FAM114A2: variants seen among roughly 807,000 people sequenced by gnomAD.
FAM114A2 encodes protein FAM114A2.
In FAM114A2, 53 loss-of-function variants were observed where a neutral mutation model predicts 58.4. The observed-to-expected ratio is 0.91, with a 90% CI of 0.73 to 1.14. The LOEUF is 1.14. Ranked by LOEUF, FAM114A2 falls within the 50% of genes most tolerant of loss-of-function variation. FAM114A2 has a pLI of 0.00. For synonymous variants in FAM114A2, 228 were observed against 211.4 expected, an observed-to-expected ratio of 1.08 and a Z score of -0.68; for missense variants, 601 against 581.1, an observed-to-expected ratio of 1.03 and a Z score of -0.35.
rs1315846884 is a variant in FAM114A2, at chr5:153,990,553, T to C, written c.*2423A>G. 6.6e-6 allele frequency: 1 copy of C among 151,750 alleles called. No homozygotes were observed. The highest frequency in any genetic ancestry group is 1.5e-5 in the Non-Finnish European group (1 of 67,956). 9.4% of individuals were successfully genotyped at this position (151,750 alleles called of 1,614,324 possible). On this transcript the variant is annotated 3_prime_UTR_variant, in exon 14 of 14. Coordinates refer to ENST00000351797, the MANE Select transcript of FAM114A2 (RefSeq NM_018691.4). ...AAGTAAGGAAAATATAGCTTGTCCT[T>C]AACACATTTCTAAGGTATTATGCAA... is the stretch of plus-strand genomic sequence containing the variant.
chr5:154,019,604 G>T (rs1032865841), intron 8 of FAM114A2, among the ~76,000 whole-genome samples: 1 of 152,136 alleles, frequency 6.6e-6, no homozygotes, highest in Non-Finnish European at 1.5e-5. Flanking sequence ...AATAAATCTG[G>T]AAGCATCACA....
intron 4 of FAM114A2, among the ~76,000 whole-genome samples, chr5:154,031,474 T>C (rs1296384836): frequency 6.6e-6 from 1 of 152,028 alleles, no homozygotes; most frequent in East Asian, 1.9e-4. Context: ...TATCTCAAAA[T>C]TCTGAAAATA....
At chr5:154,000,011 T>C (rs190346592) in intron 11 of FAM114A2, among the ~76,000 whole-genome samples, 2 of 152,284 alleles carry the variant, frequency 1.3e-5, no homozygotes, top group Admixed American at 1.3e-4. Context: ...AATGGAATAC[T>C]ATTCAGCTAT....
At chr5:153,995,065 T>C (rs1769470487) in intron 12 of FAM114A2, 93 bp from the exon 13 acceptor site, 2 of 765,948 alleles carry the variant, frequency 2.6e-6, no homozygotes, top group Non-Finnish European at 4.7e-6. Flanking sequence ...CACACACCCA[T>C]ACATAAATAT....
At chr5:154,024,685 C>T (rs1169455231) in intron 8 of FAM114A2, among the ~76,000 whole-genome samples, 1 of 152,058 alleles carries the variant, frequency 6.6e-6, no homozygotes, top group Non-Finnish European at 1.5e-5. Context: ...TTGCAATGAA[C>T]CATATTGCAG....
At chr5:154,000,657 A>G (rs1212634817) in intron 11 of FAM114A2, among the ~76,000 whole-genome samples, 1 of 152,166 alleles carries the variant, frequency 6.6e-6, no homozygotes, top group Non-Finnish European at 1.5e-5. Flanking sequence ...GTATGCCTAA[A>G]TCAGCCACCT....
At chr5:154,023,677 C>A (rs1771588725) in intron 8 of FAM114A2, among the ~76,000 whole-genome samples, 1 of 151,874 alleles carries the variant, frequency 6.6e-6, no homozygotes, top group Admixed American at 6.6e-5. Context: ...AAATTGGGTG[C>A]AGTGTATACT....
intron 8 of FAM114A2, among the ~76,000 whole-genome samples, chr5:154,016,906 C>G (rs1463963153): frequency 1.3e-5 from 2 of 152,062 alleles, no homozygotes; most frequent in African/African-American, 4.8e-5. Flanking sequence ...TAAGGACTCA[C>G]GTAAGCTTAA....
chr5:154,037,830 G>A (rs1298421372), intron 1 of FAM114A2, among the ~76,000 whole-genome samples: 2 of 152,112 alleles, frequency 1.3e-5, no homozygotes, highest in African/African-American at 4.8e-5. Context: ...TAAAATTACA[G>A]GCGTGAGCCA....
intron 11 of FAM114A2, 21 bp from the exon 12 acceptor site, chr5:153,997,896 C>A: frequency 6.8e-7 from 1 of 1,476,464 alleles, no homozygotes; most frequent in South Asian, 1.2e-5. Context: ...AAGGAAAAGT[C>A]AGAAACGTTT....
At chr5:154,017,969 G>A (rs1174053046) in intron 8 of FAM114A2, among the ~76,000 whole-genome samples, 21 of 152,078 alleles carry the variant, frequency 1.4e-4, no homozygotes, top group South Asian at 2.1e-4. Context: ...AAGTCTGAAC[G>A]AGCACTAACA....
chr5:154,030,207 T>C (rs1214431771), intron 4 of FAM114A2, among the ~76,000 whole-genome samples: 1 of 152,200 alleles, frequency 6.6e-6, no homozygotes, highest in Admixed American at 6.5e-5. Flanking sequence ...TCCAGTCTAT[T>C]TTAAATTTTA....
chr5:154,003,862 T>C (rs1770174144), intron 9 of FAM114A2, among the ~76,000 whole-genome samples: 2 of 152,242 alleles, frequency 1.3e-5, no homozygotes, highest in Non-Finnish European at 2.9e-5. Flanking sequence ...TTTCATTTTA[T>C]ATACAGTCAT....
rs1304325516 is a variant in FAM114A2, at chr5:154,011,521, C to A, written c.914-201G>T. ...GTATATCAATAAATGCTTCAATGGG[C>A]TTGAGAGAAAAGTGCCATTATTCCA... On this transcript the variant is annotated intron_variant, in intron 8 of 13. Coordinates refer to ENST00000351797, the MANE Select transcript of FAM114A2 (RefSeq NM_018691.4). 2.0e-5 allele frequency among the ~76,000 whole-genome samples: 3 copies of A among 152,112 alleles called. No individual in the cohort carries two copies. The East Asian group carries it at 5.8e-4, about 29-fold the overall frequency.
intron 8 of FAM114A2, among the ~76,000 whole-genome samples, chr5:154,020,434 T>C (rs1771334081): frequency 6.6e-6 from 1 of 151,998 alleles, no homozygotes; most frequent in Admixed American, 6.6e-5. Context: ...AAGAATCAAA[T>C]AGATGCAATA....
At chr5:154,023,321 C>T in intron 8 of FAM114A2, among the ~76,000 whole-genome samples, 1 of 152,016 alleles carries the variant, frequency 6.6e-6, no homozygotes, top group East Asian at 1.9e-4. Flanking sequence ...GATACTTGCA[C>T]ACGCATGTTT....
intron 8 of FAM114A2, among the ~76,000 whole-genome samples, chr5:154,023,065 C>T (rs890868935): frequency 7.9e-5 from 12 of 151,984 alleles, no homozygotes; most frequent in African/African-American, 2.9e-4. Flanking sequence ...TTGTTCTCAC[C>T]CATAGGTGGG....
Position 154,011,320 on chromosome 5 carries a change from C to T in FAM114A2, c.914G>A (p.Gly305Glu). Residue 305 changes from glycine to glutamate, a missense_variant and splice_region_variant, in exon 9 of 14, where the codon GGG (glycine) becomes GAG (glutamate). Coordinates refer to ENST00000351797, the MANE Select transcript of FAM114A2 (RefSeq NM_018691.4). The stretch of plus-strand genomic sequence containing the variant: ...TATGTCCTTGGTAAAATCTTCATCC[C>T]CTAAAAAACCAAGTCCCATATAAAA... ...FCEEEEEEKK[G>E]DEDFTKDITE... 6.2e-7 allele frequency: 1 copy of T among 1,609,770 alleles called. No individual in the cohort carries two copies. Among genetic ancestry groups the T allele is most frequent in the East Asian group, 2.2e-5 (1 of 44,812 alleles).
chr5:153,995,008 A>C (rs761101454), intron 12 of FAM114A2, 36 bp from the exon 13 acceptor site: 1 of 1,420,054 alleles, frequency 7.0e-7, no homozygotes, highest in Non-Finnish European at 1.0e-6. Context: ...TGAGCAGAGT[A>C]GGTTAAATAA....
Sources: gnomAD v4.1 joint callset for allele counts (sites outside exome capture counted in the v4.1 genomes callset) on GRCh38, gnomAD v4.1.1 for gene constraint, MANE v1.5 for transcripts, NCBI Gene and HGNC (gene_info 2026-07-23, HGNC 2026-07-21) for gene names.